The following DPYS variants were observed in gnomAD, a reference collection of about 807,000 sequenced individuals.
DPYS encodes dihydropyrimidine amidohydrolase.
Under a neutral mutation model 50.3 loss-of-function variants are expected in DPYS, and 39 were observed. The observed-to-expected ratio is 0.78, with a 90% CI of 0.60 to 1.01. The LOEUF is 1.01. DPYS is among the 50% of genes least tolerant of loss of function. DPYS has a pLI of 0.00. For synonymous variants in DPYS, 245 were observed against 250.7 expected (o/e 0.98, Z 0.22); for missense variants, 659 against 680.9 (o/e 0.97, Z 0.36).
intron 1 of DPYS, among the ~76,000 whole-genome samples, chr8:104,459,065 GA>G (rs1814029345): frequency 6.6e-6 from 1 of 152,218 alleles, no homozygotes; most frequent in African/African-American, 2.4e-5. Context: ...CTCCCTGTTA[GA>G]TGCAATGAAA....
At chr8:104,409,549 A>C (rs1812105914) in intron 7 of DPYS, among the ~76,000 whole-genome samples, 1 of 152,174 alleles carries the variant, frequency 6.6e-6, no homozygotes, top group Non-Finnish European at 1.5e-5. Context: ...GAAATGTATA[A>C]ACAAGGATGA....
At chr8:104,433,738 A>G (rs1407791667) in intron 4 of DPYS, among the ~76,000 whole-genome samples, 1 of 152,228 alleles carries the variant, frequency 6.6e-6, no homozygotes, top group Non-Finnish European at 1.5e-5. Context: ...TTCATTGCAC[A>G]TGAGTAAATG....
intron 4 of DPYS, 141 bp from the exon 5 acceptor site, chr8:104,429,842 T>G (rs1302419892): frequency 9.6e-7 from 1 of 1,043,916 alleles, no homozygotes; most frequent in African/African-American, 1.6e-5. Context: ...ATAATTTACT[T>G]TTGTGGACAG....
chr8:104,449,624 T>G (rs115972078), intron 2 of DPYS, among the ~76,000 whole-genome samples: 2,076 of 152,340 alleles, frequency 0.014, 50 homozygotes, highest in African/African-American at 0.047. Flanking sequence ...GACACGAGCA[T>G]GTGCGCTTTA....
At chr8:104,386,846 T>G (rs1588395770) in intron 8 of DPYS, among the ~76,000 whole-genome samples, 1 of 152,132 alleles carries the variant, frequency 6.6e-6, no homozygotes, top group African/African-American at 2.4e-5. Flanking sequence ...CAGGCTAGTC[T>G]TGAACTCCTG....
intron 5 of DPYS, 131 bp downstream of exon 5, chr8:104,429,414 C>G: frequency 4.1e-6 from 5 of 1,223,612 alleles, no homozygotes; most frequent in South Asian, 1.3e-5. Flanking sequence ...GTGAGGGGTA[C>G]CCAGGACCTG....
intron 7 of DPYS, among the ~76,000 whole-genome samples, chr8:104,393,834 G>T (rs1811487038): frequency 6.6e-6 from 1 of 152,030 alleles, no homozygotes; most frequent in African/African-American, 2.4e-5. Flanking sequence ...TAGGCTTTTG[G>T]GGAACAGGTG....
chr8:104,444,099 A>G (rs1372920108), intron 4 of DPYS, 149 bp downstream of exon 4: 1 of 842,440 alleles, frequency 1.2e-6, no homozygotes. Context: ...ACATAAGGAT[A>G]AATGAAACCA....
intron 7 of DPYS, among the ~76,000 whole-genome samples, chr8:104,416,237 A>G (rs1055694643): frequency 6.6e-6 from 1 of 152,142 alleles, no homozygotes; most frequent in African/African-American, 2.4e-5. Context: ...AGCAACAGAT[A>G]TTTGTTCCTC....
chr8:104,418,983 C>A (rs971838251), intron 7 of DPYS: 2 of 984,730 alleles, frequency 2.0e-6, no homozygotes, highest in East Asian at 2.3e-4. Context: ...TGAAGGAACA[C>A]ACAAAGGTGA....
At chr8:104,417,825 T>C (rs1812417139) in intron 7 of DPYS, among the ~76,000 whole-genome samples, 1 of 152,218 alleles carries the variant, frequency 6.6e-6, no homozygotes, top group African/African-American at 2.4e-5. Context: ...TTCATCAGGA[T>C]GTCCAAACCT....
chr8:104,407,086 C>G (rs138034386), intron 7 of DPYS, among the ~76,000 whole-genome samples: 227 of 152,342 alleles, frequency 1.5e-3, no homozygotes, highest in African/African-American at 5.2e-3. Context: ...CTTCCATTTA[C>G]TGCATGCTAC....
rs1197987599 is a variant in DPYS at position 104,466,732 on chromosome 8, G to A, written c.189C>T (p.Gly63=). ...ACTGCATGTGCGTGTGTGTGTCGATGCCTCCGGGCAGGACGAGCTTGCCGG... is the reference window on the plus strand; with the variant it reads ...ACTGCATGTGCGTGTGTGTGTCGATACCTCCGGGCAGGACGAGCTTGCCGG... ...DAAGKLVLPG[G]IDTHTHMQFP... The change falls in exon 1 of 10, where the codon GGC becomes GGT. Residue 63 remains glycine, a synonymous_variant. Transcript: ENST00000351513. The A allele has an allele frequency of 5.2e-6, 8 of 1,535,840 alleles. No homozygotes were observed. Among genetic ancestry groups the A allele is most frequent in the African/African-American group, 1.4e-5 (1 of 72,564 alleles).
intron 3 of DPYS, among the ~76,000 whole-genome samples, chr8:104,445,518 A>C (rs1465173077): frequency 1.3e-5 from 2 of 152,238 alleles, no homozygotes; most frequent in African/African-American, 4.8e-5. Flanking sequence ...AGCCAGACAC[A>C]GAAAGACAAA....
chr8:104,446,485 C>T (rs1813535256), intron 3 of DPYS, among the ~76,000 whole-genome samples: 1 of 152,158 alleles, frequency 6.6e-6, no homozygotes, highest in African/African-American at 2.4e-5. Flanking sequence ...TGGTATTGGA[C>T]CTGTTATCTT....
chr8:104,462,669 A>G (rs1388159523), intron 1 of DPYS, among the ~76,000 whole-genome samples: 2 of 152,180 alleles, frequency 1.3e-5, no homozygotes, highest in African/African-American at 4.8e-5. Context: ...TCTGAATACA[A>G]ATTTATGTAT....
rs1432761298 is a variant in DPYS, at chr8:104,451,528, A to G, written c.265-124T>C. On this transcript the variant is annotated intron_variant, in intron 1 of 9. Transcript: ENST00000351513. ...TCGATGGGTCCAGGAAATTGCAAAA[A>G]GATGCTGCCTGTTTAAATGACCCAG... The G allele has an allele frequency of 2.6e-6, 3 of 1,173,784 alleles. No homozygotes were observed. In the African/African-American group the frequency reaches 4.5e-5, roughly 18 times the overall value. 72.7% of individuals were successfully genotyped at this position (1,173,784 alleles called of 1,614,324 possible).
At chr8:104,420,408 C>T (rs980343418) in intron 7 of DPYS, 1 of 152,102 alleles carries the variant, frequency 6.6e-6, no homozygotes, top group Non-Finnish European at 1.5e-5. Context: ...GTTTCTGCAA[C>T]GATCTCTCTC....
intron 9 of DPYS, 140 bp downstream of exon 9, chr8:104,381,044 A>G: frequency 1.4e-6 from 1 of 732,866 alleles, no homozygotes; most frequent in Non-Finnish European, 2.4e-6. Context: ...TGCTTTGATC[A>G]ATCTTCCCTT....
Sources: gnomAD v4.1 joint callset for allele counts (sites outside exome capture counted in the v4.1 genomes callset) on GRCh38, gnomAD v4.1.1 for gene constraint, MANE v1.5 for transcripts, NCBI Gene and HGNC (gene_info 2026-07-23, HGNC 2026-07-21) for gene names.